The following C3orf20 variants were observed in gnomAD, a reference collection of about 807,000 sequenced individuals.
C3orf20 encodes uncharacterized protein C3orf20.
A neutral mutation model predicts 88.3 loss-of-function variants in C3orf20; 76 were observed. That is an observed-to-expected ratio of 0.86 (90% CI 0.72 to 1.04). The LOEUF (loss-of-function observed/expected upper bound fraction) is 1.04. C3orf20 is among the 50% of genes least tolerant of loss of function. C3orf20 has a pLI of 0.00. For synonymous variants in C3orf20, 436 were observed against 437.4 expected, an observed-to-expected ratio of 1.00 and a Z score of 0.04; for missense variants, 1,056 against 1,123.3, an observed-to-expected ratio of 0.94 and a Z score of 0.86.
At chr3:14,714,489 G>A (rs2033870584) in intron 8 of C3orf20, among the ~76,000 whole-genome samples, 1 of 152,234 alleles carries the variant, frequency 6.6e-6, no homozygotes, top group African/African-American at 2.4e-5. Flanking sequence ...TTTATACCAG[G>A]AGTAGGTGAA....
At chr3:14,715,920 C>T (rs905496644) in intron 9 of C3orf20, among the ~76,000 whole-genome samples, 1 of 151,764 alleles carries the variant, frequency 6.6e-6, no homozygotes, top group Non-Finnish European at 1.5e-5. Flanking sequence ...AATTATTTAC[C>T]AAAGATTTAT....
At chr3:14,771,571 A>G (rs2035858464) in intron 15 of C3orf20, among the ~76,000 whole-genome samples, 1 of 152,222 alleles carries the variant, frequency 6.6e-6, no homozygotes, top group South Asian at 2.1e-4. Context: ...TTGTAGAGGA[A>G]CACCAGTTAT....
intron 15 of C3orf20, among the ~76,000 whole-genome samples, chr3:14,764,256 A>T (rs1446741228): frequency 2.0e-5 from 3 of 152,152 alleles, no homozygotes; most frequent in Non-Finnish European, 4.4e-5. Flanking sequence ...TGCACACAAG[A>T]TGGTCTAGGT....
Position 14,704,395 on chromosome 3 carries a change from A to C in C3orf20, c.937A>C (p.Asn313His). The C allele has an allele frequency of 6.2e-7, 1 of 1,614,086 alleles. No individual in the cohort carries two copies. The highest frequency in any genetic ancestry group is 1.1e-5 in the South Asian group (1 of 91,076). ...RNISYPMILRNYKAKMPSHLM... is the reference protein window; with the variant it reads ...RNISYPMILRHYKAKMPSHLM... ...TATCTCCTACCCCATGATCTTACGA[A>C]ACTACAAGGCAAAGATGCCCTCTCA... is the stretch of plus-strand genomic sequence containing the variant. The change falls in exon 7 of 17, where the codon AAC becomes CAC. Residue 313 changes from asparagine to histidine, a missense_variant. Asn to His is a moderately conservative substitution (Grantham distance 68). Coordinates refer to ENST00000253697, the MANE Select transcript of C3orf20 (RefSeq NM_032137.5).
At chr3:14,742,823 G>A (rs4685214) in intron 12 of C3orf20, among the ~76,000 whole-genome samples, 23,117 of 151,830 alleles carry the variant, frequency 0.15, 1,889 homozygotes, top group South Asian at 0.25. Context: ...AGAAGCAAAA[G>A]CAGAAACCCC....
Position 14,726,652 on chromosome 3 carries a change from G to C in C3orf20, c.1567-249G>C, listed in dbSNP as rs572478091. Among the ~76,000 whole-genome samples the C allele has an allele frequency of 2.0e-4, 30 of 152,264 alleles. No individual in the cohort carries two copies. In the South Asian group the frequency reaches 3.3e-3, roughly 17 times the overall value. The stretch of plus-strand genomic sequence containing the variant: ...TCAAGCTGCATTGAGCATGATGAGA[G>C]TTCAAAGCAAGAAGCAGTTCTGCCC... On this transcript the variant is annotated intron_variant, in intron 10 of 16. Transcript: ENST00000253697.
chr3:14,726,313 T>C (rs1344124432), intron 10 of C3orf20, among the ~76,000 whole-genome samples: 1 of 152,238 alleles, frequency 6.6e-6, no homozygotes, highest in African/African-American at 2.4e-5. Flanking sequence ...AGTCAGCTTC[T>C]GTAACCTTGG....
intron 5 of C3orf20, among the ~76,000 whole-genome samples, chr3:14,699,755 C>G (rs2033168754): frequency 6.6e-6 from 1 of 152,166 alleles, no homozygotes; most frequent in African/African-American, 2.4e-5. Flanking sequence ...CCTTAGCTGC[C>G]CCAGCTGGTG....
At chr3:14,692,929 C>G (rs1348717299) in intron 5 of C3orf20, among the ~76,000 whole-genome samples, 2 of 151,892 alleles carry the variant, frequency 1.3e-5, no homozygotes, top group Non-Finnish European at 2.9e-5. Flanking sequence ...GATAGGGGTC[C>G]TTCTGCATAT....
intron 15 of C3orf20, among the ~76,000 whole-genome samples, chr3:14,770,580 C>A (rs1293518314): frequency 6.6e-6 from 1 of 152,202 alleles, no homozygotes; most frequent in Admixed American, 6.5e-5. Context: ...CCCAGCCCAG[C>A]CTTAGCCACA....
Position 14,693,506 on chromosome 3 carries a change from G to A in C3orf20, c.745+3390G>A, listed in dbSNP as rs564554551. Among the ~76,000 whole-genome samples, 3 of 152,204 alleles carry A rather than the reference G, an allele frequency of 2.0e-5. No homozygotes were observed. In the South Asian group the frequency reaches 6.2e-4, roughly 32 times the overall value. On this transcript the variant is annotated intron_variant, in intron 5 of 16. Transcript: ENST00000253697. Reference sequence around the variant, plus strand: ...TTCTTGTTCAGACTGTCCACTGTTGGCATATAGAAATGCTACTGATTTTTA... The same window carrying A: ...TTCTTGTTCAGACTGTCCACTGTTGACATATAGAAATGCTACTGATTTTTA...
intron 12 of C3orf20, among the ~76,000 whole-genome samples, chr3:14,750,076 G>A (rs1056943925): frequency 2.0e-5 from 3 of 151,564 alleles, no homozygotes; most frequent in Admixed American, 6.6e-5. Flanking sequence ...ACCTTTATCA[G>A]TGTTCTTTAT....
intron 11 of C3orf20, 138 bp from the exon 12 acceptor site, chr3:14,728,301 G>A: frequency 1.1e-6 from 1 of 943,324 alleles, no homozygotes; most frequent in Non-Finnish European, 1.6e-6. Context: ...GCAGAGGGGA[G>A]GTGCCGGAGA....
At chr3:14,685,798 T>G (rs937997297) in intron 4 of C3orf20, among the ~76,000 whole-genome samples, 1 of 152,104 alleles carries the variant, frequency 6.6e-6, no homozygotes, top group Non-Finnish European at 1.5e-5. Flanking sequence ...GGCTTTTTTT[T>G]CATTCAGCAT....
intron 5 of C3orf20, among the ~76,000 whole-genome samples, chr3:14,699,849 C>T (rs967253648): frequency 6.6e-6 from 1 of 152,186 alleles, no homozygotes; most frequent in Non-Finnish European, 1.5e-5. Flanking sequence ...GCAGTCCTTG[C>T]GGCCTAGGCT....
At chr3:14,683,327 T>G in intron 3 of C3orf20, 130 bp downstream of exon 3, 1 of 1,182,352 alleles carries the variant, frequency 8.5e-7, no homozygotes, top group Non-Finnish European at 1.2e-6. Flanking sequence ...CTGCGGCTCC[T>G]GGAATCATCC....
In C3orf20 at chr3:14,761,629, C is replaced by G; in HGVS notation, c.2495+14C>G. ...CTACAAATTCAGGTAAAACAGGAAA[C>G]ACGCAGGATGAGGGATGGGCCTGGG... On this transcript the variant is annotated intron_variant, in intron 15 of 16. Transcript: ENST00000253697. 1 of 1,613,512 alleles carries G rather than the reference C, an allele frequency of 6.2e-7. No homozygotes were observed.
At chr3:14,771,967 A>C in intron 15 of C3orf20, 100 bp from the exon 16 acceptor site, 1 of 1,455,138 alleles carries the variant, frequency 6.9e-7, no homozygotes, top group Non-Finnish European at 9.4e-7. Flanking sequence ...GAGGAGAAGC[A>C]CTTGTGTCCT....
At chr3:14,708,967 A>G (rs188553494) in intron 7 of C3orf20, among the ~76,000 whole-genome samples, 157 of 152,324 alleles carry the variant, frequency 1.0e-3, no homozygotes, top group African/African-American at 3.6e-3. Context: ...CATCCAACCC[A>G]TGAGCACTGG....
Sources: gnomAD v4.1 joint callset for allele counts (sites outside exome capture counted in the v4.1 genomes callset) on GRCh38, gnomAD v4.1.1 for gene constraint, MANE v1.5 for transcripts, NCBI Gene and HGNC (gene_info 2026-07-23, HGNC 2026-07-21) for gene names.